DENND5B: variants seen among roughly 807,000 people sequenced by gnomAD.
DENND5B encodes DENN domain-containing protein 5B.
Under a neutral mutation model 140.6 loss-of-function variants are expected in DENND5B, and 34 were observed. The observed-to-expected ratio is 0.24, with a 90% confidence interval of 0.18 to 0.32. The LOEUF (loss-of-function observed/expected upper bound fraction) is 0.32, where lower values mean the gene tolerates loss of function less well. Among genes scored for constraint, DENND5B ranks in the 10% least tolerant of loss-of-function variants. DENND5B has a pLI of 1.00. For missense variants in DENND5B, 1,142 were observed against 1,560.2 expected (o/e 0.73, Z 4.52); for synonymous variants, 551 against 562.1 (o/e 0.98, Z 0.28).
intron 3 of DENND5B, among the ~76,000 whole-genome samples, chr12:31,460,662 G>C (rs1008820896): frequency 4.6e-5 from 7 of 152,152 alleles, no homozygotes; most frequent in Non-Finnish European, 1.0e-4. Context: ...AAGTGTGGAG[G>C]AATCAAGAAC....
At chr12:31,480,726 C>T (rs1946037440) in intron 2 of DENND5B, among the ~76,000 whole-genome samples, 1 of 152,086 alleles carries the variant, frequency 6.6e-6, no homozygotes, top group African/African-American at 2.4e-5. Context: ...GGAAAAGGCT[C>T]ATTTAGGAAG....
At chr12:31,555,044 T>G (rs1041011598) in intron 1 of DENND5B, among the ~76,000 whole-genome samples, 3 of 152,218 alleles carry the variant, frequency 2.0e-5, no homozygotes, top group South Asian at 2.1e-4. Flanking sequence ...ATCTGAAGCC[T>G]TCTTCTCTCA....
chr12:31,492,158 T>C (rs932546013), intron 2 of DENND5B, among the ~76,000 whole-genome samples: 1 of 152,016 alleles, frequency 6.6e-6, no homozygotes, highest in Non-Finnish European at 1.5e-5. Context: ...TGCTTAACCA[T>C]CAAAACACAG....
chr12:31,553,739 G>T (rs1344684819), intron 1 of DENND5B, among the ~76,000 whole-genome samples: 2 of 152,174 alleles, frequency 1.3e-5, no homozygotes, highest in Admixed American at 6.5e-5. Context: ...TTATGAATCT[G>T]GGTGCTCCTG....
intron 1 of DENND5B, among the ~76,000 whole-genome samples, chr12:31,547,619 A>C (rs1340161552): frequency 6.6e-6 from 1 of 152,030 alleles, no homozygotes; most frequent in East Asian, 1.9e-4. Flanking sequence ...GCTGGTCTTG[A>C]AATTCTGACC....
chr12:31,523,233 T>G (rs1012923104), intron 1 of DENND5B, among the ~76,000 whole-genome samples: 2 of 152,016 alleles, frequency 1.3e-5, no homozygotes, highest in Non-Finnish European at 2.9e-5. Context: ...TGGCTAATTT[T>G]TGTATTTTTA....
At chr12:31,395,107 T>C (rs793164) in intron 17 of DENND5B, among the ~76,000 whole-genome samples, 141,132 of 152,210 alleles carry the variant, frequency 0.93, 65,889 homozygotes, top group East Asian at 0.99. Context: ...TCTCTCAAAA[T>C]ATCTGGGTAC....
At chr12:31,528,707 A>G (rs551067403) in intron 1 of DENND5B, among the ~76,000 whole-genome samples, 1 of 152,336 alleles carries the variant, frequency 6.6e-6, no homozygotes, top group South Asian at 2.1e-4. Context: ...TGAGGAAACA[A>G]TAGGAATCCA....
Position 31,450,858 on chromosome 12 carries a change from A to G in DENND5B, c.1629+1082T>C, listed in dbSNP as rs143863286. On this transcript the variant is annotated intron_variant, in intron 5 of 20. Coordinates refer to ENST00000389082, the MANE Select transcript of DENND5B (RefSeq NM_144973.4). The stretch of plus-strand genomic sequence containing the variant: ...AACTAAACTGTACCCTGGTGACCTA[A>G]AAGAGTTACTATACAACCCTAAGTG... Among the ~76,000 whole-genome samples the G allele has an allele frequency of 2.3e-3, 350 of 152,274 alleles. 4 individuals carry two copies. The highest frequency in any genetic ancestry group is 7.7e-3 in the African/African-American group (318 of 41,568).
intron 1 of DENND5B, among the ~76,000 whole-genome samples, chr12:31,569,059 CCTT>C (rs1949725670): frequency 1.7e-5 from 2 of 117,506 alleles, no homozygotes; most frequent in Admixed American, 8.1e-5. Flanking sequence ...CAGCAACATA[CCTT>C]TTTTTTTTTT....
chr12:31,458,348 C>A (rs1944875852), intron 4 of DENND5B, among the ~76,000 whole-genome samples: 1 of 152,166 alleles, frequency 6.6e-6, no homozygotes, highest in Admixed American at 6.5e-5. Flanking sequence ...ATCAGTCACT[C>A]AACAAGAAAC....
chr12:31,438,099 C>A (rs1399209479), intron 7 of DENND5B, among the ~76,000 whole-genome samples: 1 of 152,168 alleles, frequency 6.6e-6, no homozygotes, highest in Non-Finnish European at 1.5e-5. Context: ...CCTCAGCCTC[C>A]CGAGTATCTG....
At position 31,446,165 on chromosome 12, in the gene DENND5B, T is replaced by C. The variant is rs998172191; in HGVS notation, c.1861+1373A>G. On this transcript the variant is annotated intron_variant, in intron 6 of 20. Transcript: ENST00000389082. Reference sequence around the variant, plus strand: ...ATTTAACTGCTTTCTTTTTATTTTTTTGAGACGGAGTCTTGCTCTGTTGCC... The same window carrying C: ...ATTTAACTGCTTTCTTTTTATTTTTCTGAGACGGAGTCTTGCTCTGTTGCC... Among the ~76,000 whole-genome samples the C allele has an allele frequency of 3.9e-5, 6 of 152,184 alleles. No homozygotes were observed. The East Asian group carries it at 7.7e-4, about 20-fold the overall frequency.
intron 14 of DENND5B, among the ~76,000 whole-genome samples, chr12:31,405,050 G>A (rs945644163): frequency 6.0e-5 from 9 of 149,686 alleles, no homozygotes; most frequent in Admixed American, 4.7e-4. Flanking sequence ...ATGAGCCACC[G>A]TGCCCGGCCC....
intron 1 of DENND5B, among the ~76,000 whole-genome samples, chr12:31,509,445 G>A (rs991168982): frequency 2.6e-5 from 4 of 152,190 alleles, no homozygotes; most frequent in Non-Finnish European, 5.9e-5. Flanking sequence ...AGCTACTTGG[G>A]AGGCTACAGC....
intron 17 of DENND5B, among the ~76,000 whole-genome samples, chr12:31,396,916 AG>A (rs1565539007): frequency 6.6e-6 from 1 of 152,108 alleles, no homozygotes; most frequent in Non-Finnish European, 1.5e-5. Flanking sequence ...GATGGCATTT[AG>A]GGTCCACGTA....
chr12:31,421,236 G>A (rs1943008821), intron 11 of DENND5B, among the ~76,000 whole-genome samples: 1 of 151,880 alleles, frequency 6.6e-6, no homozygotes, highest in South Asian at 2.1e-4. Context: ...GTAGAGAGTG[G>A]GTTTCATCAT....
intron 4 of DENND5B, 98 bp downstream of exon 4, chr12:31,460,096 G>T: frequency 8.4e-7 from 1 of 1,195,938 alleles, no homozygotes; most frequent in Non-Finnish European, 1.2e-6. Flanking sequence ...GAGTCAAAGA[G>T]ACAGATAAAA....
chr12:31,495,389 C>CTTTTTTTTTCTTTTTTTTTT, intron 2 of DENND5B, among the ~76,000 whole-genome samples: 1 of 136,234 alleles, frequency 7.3e-6, no homozygotes, highest in African/African-American at 2.7e-5. Context: ...CTTTTTTTTT[C>CTTTTTTTTTCTTTTTTTTTT]TTTTTTTGAG....
Sources: allele counts gnomAD v4.1 joint callset (sites outside exome capture counted in the v4.1 genomes callset), GRCh38; gene constraint gnomAD v4.1.1; transcripts MANE v1.5; gene names NCBI Gene and HGNC (gene_info 2026-07-23, HGNC 2026-07-21).